Variants in RGS7 observed in about 807,000 individuals in gnomAD.
RGS7 encodes the protein regulator of G-protein signaling 7.
Under a neutral mutation model 81.1 loss-of-function variants are expected in RGS7, and 27 were observed. The observed-to-expected ratio is 0.33, with a 90% CI of 0.25 to 0.46. RGS7 has a LOEUF of 0.46. Among genes scored for constraint, RGS7 ranks in the 20% least tolerant of loss-of-function variants. The pLI is 1.00. For missense variants in RGS7, 396 were observed against 607.4 expected (o/e 0.65, Z 3.66); for synonymous variants, 208 against 207.7 (o/e 1.00, Z -0.01).
chr1:240,799,879 T>TTA (rs1202231656), intron 18 of RGS7, among the ~76,000 whole-genome samples: 1 of 152,168 alleles, frequency 6.6e-6, no homozygotes, highest in East Asian at 1.9e-4. Context: ...TGTTGGCCCT[T>TTA]TCTTAAAGTT....
intron 2 of RGS7, among the ~76,000 whole-genome samples, chr1:241,217,854 C>A (rs1453686623): frequency 6.6e-6 from 1 of 152,232 alleles, no homozygotes; most frequent in Non-Finnish European, 1.5e-5. Flanking sequence ...ATAAAGAATT[C>A]TCTCTTGCAG....
At chr1:241,314,230 A>T in intron 2 of RGS7, among the ~76,000 whole-genome samples, 1 of 152,080 alleles carries the variant, frequency 6.6e-6, no homozygotes, top group East Asian at 1.9e-4. Context: ...ATCTTTCGTG[A>T]AAGAAAGAGT....
At chr1:240,781,592 C>T (rs1007308815) in intron 18 of RGS7, among the ~76,000 whole-genome samples, 1 of 151,932 alleles carries the variant, frequency 6.6e-6, no homozygotes, top group Non-Finnish European at 1.5e-5. Context: ...GGTGACAGAG[C>T]GAGACTCTGT....
intron 3 of RGS7, among the ~76,000 whole-genome samples, chr1:241,000,760 G>A (rs1688017041): frequency 6.6e-6 from 1 of 150,786 alleles, no homozygotes; most frequent in South Asian, 2.1e-4. Flanking sequence ...TGATTCTCAT[G>A]CCTCAGCCTC....
intron 2 of RGS7, among the ~76,000 whole-genome samples, chr1:241,352,073 T>C (rs1573806126): frequency 1.3e-5 from 2 of 152,216 alleles, no homozygotes; most frequent in African/African-American, 4.8e-5. Flanking sequence ...AAATTTGGAG[T>C]GTCTCTCCCT....
At chr1:241,276,045 T>C (rs2078178285) in intron 2 of RGS7, among the ~76,000 whole-genome samples, 1 of 152,230 alleles carries the variant, frequency 6.6e-6, no homozygotes, top group African/African-American at 2.4e-5. Context: ...GAGTATGTGA[T>C]TGTATCAGAG....
intron 6 of RGS7, among the ~76,000 whole-genome samples, chr1:240,884,111 A>G (rs1052451879): frequency 2.0e-5 from 3 of 150,038 alleles, no homozygotes; most frequent in Admixed American, 1.3e-4. Context: ...AAAAGGCCCC[A>G]AGAGTAGTAT....
intron 12 of RGS7, among the ~76,000 whole-genome samples, chr1:240,814,282 G>A (rs1163078315): frequency 6.6e-6 from 1 of 152,164 alleles, no homozygotes; most frequent in Non-Finnish European, 1.5e-5. Context: ...ATGAAGCAAA[G>A]GAAAATATCT....
At chr1:240,817,761 C>T (rs1691075391) in intron 10 of RGS7, among the ~76,000 whole-genome samples, 1 of 152,172 alleles carries the variant, frequency 6.6e-6, no homozygotes, top group South Asian at 2.1e-4. Context: ...TGCCACCACA[C>T]CCGGCTAATT....
At chr1:241,110,421 G>A (rs995167654) in intron 2 of RGS7, among the ~76,000 whole-genome samples, 1 of 152,018 alleles carries the variant, frequency 6.6e-6, no homozygotes, top group African/African-American at 2.4e-5. Flanking sequence ...ACCTCTATGT[G>A]TAACAAAAAT....
chr1:240,807,166 GTC>G (rs1689004366), intron 14 of RGS7, among the ~76,000 whole-genome samples: 1 of 152,204 alleles, frequency 6.6e-6, no homozygotes, highest in South Asian at 2.1e-4. Context: ...AAGTGGTAAA[GTC>G]TAGTGAGAAG....
At chr1:241,341,404 G>A (rs143638972) in intron 2 of RGS7, among the ~76,000 whole-genome samples, 63 of 152,150 alleles carry the variant, frequency 4.1e-4, no homozygotes, top group African/African-American at 1.4e-3. Context: ...ATATATATAC[G>A]TACATGTAAA....
intron 6 of RGS7, among the ~76,000 whole-genome samples, chr1:240,879,066 C>A (rs765489708): frequency 2.0e-5 from 3 of 152,150 alleles, no homozygotes; most frequent in Admixed American, 1.3e-4. Context: ...TAATACTTGT[C>A]CAGTAATGTA....
At chr1:241,217,203 C>CAT (rs1558198952) in intron 2 of RGS7, among the ~76,000 whole-genome samples, 1 of 152,080 alleles carries the variant, frequency 6.6e-6, no homozygotes, top group African/African-American at 2.4e-5. Flanking sequence ...TCCAGGTGCA[C>CAT]ATATTGAGGA....
chr1:240,959,286 T>C (rs1468265532), intron 4 of RGS7, among the ~76,000 whole-genome samples: 15 of 152,176 alleles, frequency 9.9e-5, no homozygotes, highest in Admixed American at 9.2e-4. Flanking sequence ...GCATGAGAGA[T>C]GCATCTTCGG....
chr1:240,804,336 G>A (rs1452898751), intron 15 of RGS7, among the ~76,000 whole-genome samples: 1 of 152,070 alleles, frequency 6.6e-6, no homozygotes, highest in Admixed American at 6.6e-5. Context: ...AACCCCTATG[G>A]GGTTGGTAAC....
chr1:241,330,496 A>C (rs1238814461), intron 2 of RGS7, among the ~76,000 whole-genome samples: 1 of 152,224 alleles, frequency 6.6e-6, no homozygotes, highest in African/African-American at 2.4e-5. Context: ...CTTATCTGAA[A>C]CAAACCTGAA....
intron 6 of RGS7, among the ~76,000 whole-genome samples, chr1:240,894,624 T>A (rs1668753181): frequency 6.6e-6 from 1 of 152,078 alleles, no homozygotes; most frequent in African/African-American, 2.4e-5. Flanking sequence ...CAAATCTTCC[T>A]GGAATTTTTC....
At position 241,169,595 on chromosome 1, in the gene RGS7, G is replaced by A. The variant is rs568226091; in HGVS notation, c.79-70833C>T. ...CCTGACCTTGTGATCCACCTGCCTCGGCCTCCCAAAGTGCTGGGATTACAG... is the reference window on the plus strand; with the variant it reads ...CCTGACCTTGTGATCCACCTGCCTCAGCCTCCCAAAGTGCTGGGATTACAG... On this transcript the variant is annotated intron_variant, in intron 2 of 18. Transcript: ENST00000440928. Among the ~76,000 whole-genome samples the A allele has an allele frequency of 2.0e-3, 304 of 151,762 alleles. 1 individual carries two copies. The highest frequency in any genetic ancestry group is 1.9e-3 in the Non-Finnish European group (128 of 67,906).
Sources: allele counts gnomAD v4.1 joint callset (sites outside exome capture counted in the v4.1 genomes callset), GRCh38; gene constraint gnomAD v4.1.1; transcripts MANE v1.5; gene names NCBI Gene and HGNC (gene_info 2026-07-23, HGNC 2026-07-21).